The following GAB2 variants were observed in gnomAD, a reference collection of about 807,000 sequenced individuals.
The protein encoded by GAB2 is GRB2 associated binding protein 2.
In GAB2, 26 loss-of-function variants were observed where a neutral mutation model predicts 65.5. The observed-to-expected ratio is 0.40, with a 90% CI of 0.29 to 0.55. The LOEUF is 0.55. GAB2 is among the 20% of genes least tolerant of loss of function. The pLI, the probability that GAB2 is intolerant of heterozygous loss-of-function variation, is 0.53. For missense variants in GAB2, 884 were observed against 875.8 expected, an observed-to-expected ratio of 1.01 and a Z score of -0.12; for synonymous variants, 321 against 329.6, an observed-to-expected ratio of 0.97 and a Z score of 0.28.
At chr11:78,406,060 G>T (rs763064706) in intron 1 of GAB2, among the ~76,000 whole-genome samples, 29 of 152,184 alleles carry the variant, frequency 1.9e-4, no homozygotes, top group South Asian at 1.4e-3. Context: ...CACCTGCTAG[G>T]GTGGTGTCAA....
chr11:78,337,559 T>C (rs1229324152), intron 1 of GAB2, among the ~76,000 whole-genome samples: 4 of 152,126 alleles, frequency 2.6e-5, no homozygotes, highest in Admixed American at 6.5e-5. Context: ...AAGGTGGAAG[T>C]TGGAGAAAGA....
intron 3 of GAB2, among the ~76,000 whole-genome samples, chr11:78,247,134 C>A (rs1173054345): frequency 6.6e-6 from 1 of 152,280 alleles, no homozygotes; most frequent in East Asian, 1.9e-4. Flanking sequence ...TGTGATGGGG[C>A]CCAACCTGGA....
chr11:78,244,663 TAAA>T (rs36056237), intron 3 of GAB2, among the ~76,000 whole-genome samples: 15 of 74,766 alleles, frequency 2.0e-4, no homozygotes, highest in South Asian at 6.9e-4. Context: ...ACATTCATAG[TAAA>T]AAAAAAAAAA....
At chr11:78,241,140 C>T (rs1000010387) in intron 3 of GAB2, among the ~76,000 whole-genome samples, 10 of 152,198 alleles carry the variant, frequency 6.6e-5, no homozygotes, top group African/African-American at 1.4e-4. Context: ...ATGCTACCAC[C>T]GCTGCTGCAC....
At chr11:78,414,767 G>T (rs765314053) in intron 1 of GAB2, among the ~76,000 whole-genome samples, 5 of 152,108 alleles carry the variant, frequency 3.3e-5, no homozygotes, top group Non-Finnish European at 7.4e-5. Flanking sequence ...AACTAGAAAA[G>T]GCTGATGAAA....
At chr11:78,331,563 A>C (rs1359496494) in intron 1 of GAB2, among the ~76,000 whole-genome samples, 1 of 152,198 alleles carries the variant, frequency 6.6e-6, no homozygotes, top group African/African-American at 2.4e-5. Flanking sequence ...TCCATTCTTA[A>C]GGGATAACAA....
rs1335794362 is a variant in GAB2, at chr11:78,221,718, T to A, written c.1720A>T (p.Ser574Cys). Residue 574 changes from serine (S) to cysteine (C), a missense_variant, in exon 8 of 10, where the codon AGC becomes TGC. Transcript: ENST00000361507. ...CRPISTQSIT[S>C]TDSGDSEENY... ...TCTTCGCTGTCTCCTGAGTCTGTGCTGGTGATGCTCTGGGTGGAGATGGGG... is the reference window on the plus strand; with the variant it reads ...TCTTCGCTGTCTCCTGAGTCTGTGCAGGTGATGCTCTGGGTGGAGATGGGG... The A allele has an allele frequency of 6.2e-7, 1 of 1,613,720 alleles. No homozygotes were observed. The highest frequency in any genetic ancestry group is 1.7e-5 in the Admixed American group (1 of 60,018).
chr11:78,377,709 C>G (rs1753920023), intron 1 of GAB2, among the ~76,000 whole-genome samples: 1 of 152,136 alleles, frequency 6.6e-6, no homozygotes, highest in African/African-American at 2.4e-5. Context: ...ATCTATCGCA[C>G]AGTATTGTAG....
At chr11:78,268,722 A>G (rs1052916795) in intron 2 of GAB2, among the ~76,000 whole-genome samples, 3 of 134,418 alleles carry the variant, frequency 2.2e-5, no homozygotes, top group Non-Finnish European at 3.2e-5. Context: ...GGTGAGGGGG[A>G]GTGTCTGGTA....
chr11:78,271,477 T>G (rs1866007664), intron 2 of GAB2, among the ~76,000 whole-genome samples: 1 of 152,232 alleles, frequency 6.6e-6, no homozygotes, highest in Non-Finnish European at 1.5e-5. Context: ...TTCAACCTTA[T>G]GTTGATTTCA....
intron 1 of GAB2, among the ~76,000 whole-genome samples, chr11:78,370,256 C>CAAAAA (rs35777026): frequency 1.0e-5 from 1 of 99,208 alleles, no homozygotes; most frequent in African/African-American, 4.0e-5. Context: ...GACTCCGTCT[C>CAAAAA]AAAAAAAAAA....
At chr11:78,319,277 T>C (rs994311280) in intron 1 of GAB2, among the ~76,000 whole-genome samples, 9 of 152,244 alleles carry the variant, frequency 5.9e-5, no homozygotes, top group African/African-American at 2.2e-4. Flanking sequence ...CAGACACCCT[T>C]GCATGTTGCT....
intron 1 of GAB2, among the ~76,000 whole-genome samples, chr11:78,353,016 G>T (rs572767185): frequency 3.9e-5 from 6 of 152,284 alleles, no homozygotes; most frequent in Middle Eastern, 3.4e-3. Flanking sequence ...ACAGACTTCA[G>T]ATCAAGAATC....
At chr11:78,378,471 A>G (rs1330256729) in intron 1 of GAB2, among the ~76,000 whole-genome samples, 1 of 152,174 alleles carries the variant, frequency 6.6e-6, no homozygotes, top group Non-Finnish European at 1.5e-5. Flanking sequence ...ATGAATTTAT[A>G]TTTTATGTCA....
At chr11:78,291,748 T>TTA (rs1252395323) in intron 1 of GAB2, among the ~76,000 whole-genome samples, 1 of 150,976 alleles carries the variant, frequency 6.6e-6, no homozygotes, top group Non-Finnish European at 1.5e-5. Context: ...TTTTTTTTTT[T>TTA]AGAGATGGAG....
At chr11:78,326,267 G>A (rs1855821234) in intron 1 of GAB2, among the ~76,000 whole-genome samples, 1 of 152,116 alleles carries the variant, frequency 6.6e-6, no homozygotes, top group South Asian at 2.1e-4. Flanking sequence ...TTTTACATAA[G>A]TGTCTCATTT....
At chr11:78,286,521 A>G (rs544332716) in intron 1 of GAB2, among the ~76,000 whole-genome samples, 1 of 152,082 alleles carries the variant, frequency 6.6e-6, no homozygotes, top group South Asian at 2.1e-4. Flanking sequence ...TTAAGGTCCA[A>G]TGTGGCCAAA....
intron 1 of GAB2, among the ~76,000 whole-genome samples, chr11:78,365,666 A>G (rs889970794): frequency 2.0e-5 from 3 of 152,190 alleles, no homozygotes; most frequent in African/African-American, 7.2e-5. Flanking sequence ...GGAGGTAGGA[A>G]TGGAATCTGG....
intron 3 of GAB2, among the ~76,000 whole-genome samples, chr11:78,232,133 T>A (rs1309854791): frequency 3.3e-5 from 5 of 152,232 alleles, no homozygotes; most frequent in Non-Finnish European, 7.3e-5. Context: ...CTTTGGTCAG[T>A]CAATCAAAGC....
Sources: allele counts gnomAD v4.1 joint callset (sites outside exome capture counted in the v4.1 genomes callset), GRCh38; gene constraint gnomAD v4.1.1; transcripts MANE v1.5; gene names NCBI Gene and HGNC (gene_info 2026-07-23, HGNC 2026-07-21).